The following VCAN variants were observed in gnomAD, a reference collection of about 807,000 sequenced individuals.
The protein encoded by VCAN is versican.
Under a neutral mutation model 245.5 loss-of-function variants are expected in VCAN, and 44 were observed. The ratio of observed to expected loss-of-function variants is 0.18; its 90% CI spans 0.14 to 0.23. The LOEUF is 0.23. Ranked by LOEUF, VCAN falls within the 10% of genes least tolerant of loss-of-function variation. The probability of loss-of-function intolerance (pLI) is 1.00; values close to 1 mark genes in which losing one functional copy is unlikely to be tolerated. For missense variants in VCAN, 3,793 were observed against 4,057.9 expected (o/e 0.93, Z 1.77); for synonymous variants, 1,413 against 1,437.0 (o/e 0.98, Z 0.38).
chr5:83,551,631 A>G (rs1004637995), intron 10 of VCAN, among the ~76,000 whole-genome samples: 30 of 152,244 alleles, frequency 2.0e-4, no homozygotes, highest in African/African-American at 7.0e-4. Flanking sequence ...TCAAGGGGTT[A>G]AGATCCTCCA....
At chr5:83,531,848 G>A (rs549164942) in intron 7 of VCAN, among the ~76,000 whole-genome samples, 17 of 151,268 alleles carry the variant, frequency 1.1e-4, no homozygotes, top group African/African-American at 3.7e-4. Context: ...TGTGTGAAAT[G>A]TCATTAAAAA....
At chr5:83,552,270 T>G (rs1308619979) in intron 10 of VCAN, among the ~76,000 whole-genome samples, 1 of 152,168 alleles carries the variant, frequency 6.6e-6, no homozygotes, top group Non-Finnish European at 1.5e-5. Context: ...TTTATTTAAT[T>G]TAGTAGGGTT....
chr5:83,480,121 T>G (rs1294629774), intron 1 of VCAN, among the ~76,000 whole-genome samples: 1 of 152,338 alleles, frequency 6.6e-6, no homozygotes, highest in South Asian at 2.1e-4. Context: ...ATTTTTAAAT[T>G]GAGTAACTTA....
At chr5:83,493,272 T>C (rs931726436) in intron 3 of VCAN, among the ~76,000 whole-genome samples, 8 of 152,314 alleles carry the variant, frequency 5.3e-5, no homozygotes, top group African/African-American at 1.7e-4. Context: ...AGGACAACTA[T>C]TGGGATTCAG....
chr5:83,579,891 G>A (rs1192224876), intron 13 of VCAN, 89 bp from the exon 14 acceptor site: 1 of 1,404,610 alleles, frequency 7.1e-7, no homozygotes, highest in African/African-American at 1.4e-5. Flanking sequence ...GCTTACTTTG[G>A]TACCATAAAG....
At chr5:83,545,487 A>C (rs907758115) in intron 8 of VCAN, 50 bp from the exon 9 acceptor site, 1 of 1,504,060 alleles carries the variant, frequency 6.6e-7, no homozygotes, top group African/African-American at 1.4e-5. Flanking sequence ...AATACACGCA[A>C]ACATTAGAGA....
intron 6 of VCAN, among the ~76,000 whole-genome samples, chr5:83,518,017 T>C (rs1745924079): frequency 6.6e-6 from 1 of 152,116 alleles, no homozygotes; most frequent in Admixed American, 6.5e-5. Context: ...GCCTGTTTTG[T>C]TTTTTGAGGG....
intron 12 of VCAN, among the ~76,000 whole-genome samples, chr5:83,560,168 A>C (rs1747813821): frequency 6.6e-6 from 1 of 152,132 alleles, no homozygotes; most frequent in African/African-American, 2.4e-5. Context: ...TTGGGAATTA[A>C]AAATGGAAAG....
At chr5:83,576,662 G>T (rs970382243) in intron 13 of VCAN, among the ~76,000 whole-genome samples, 1 of 151,940 alleles carries the variant, frequency 6.6e-6, no homozygotes, top group African/African-American at 2.4e-5. Flanking sequence ...TTCCAAAGTG[G>T]TGGTACCAAT....
At position 83,539,426 on chromosome 5, in the gene VCAN, T is replaced by G; in HGVS notation, c.6423T>G (p.Asp2141Glu). 6.2e-7 allele frequency: 1 copy of G among 1,613,684 alleles called. No individual in the cohort carries two copies. Among genetic ancestry groups the G allele is most frequent in the Non-Finnish European group, 8.5e-7 (1 of 1,179,862 alleles). ...CTGCAACAGAACAAACAATCTTTGA[T>G]TCACAGACATTTACTGAAACTGAAC... ...NSPATEQTIF[D>E]SQTFTETELK... The change falls in exon 8 of 15, where the codon GAT becomes GAG. Residue 2141 changes from aspartate (D) to glutamate (E), a missense_variant. Transcript: ENST00000265077.
intron 10 of VCAN, among the ~76,000 whole-genome samples, chr5:83,550,556 T>C (rs370895352): frequency 2.6e-5 from 4 of 152,312 alleles, no homozygotes; most frequent in East Asian, 1.9e-4. Context: ...GCTTGACAAA[T>C]GATCCTTCAT....
chr5:83,506,160 T>C (rs1745477617), intron 5 of VCAN, among the ~76,000 whole-genome samples: 1 of 152,236 alleles, frequency 6.6e-6, no homozygotes, highest in Admixed American at 6.5e-5. Context: ...GGATTAACGT[T>C]AGGCTCCTTG....
intron 5 of VCAN, among the ~76,000 whole-genome samples, chr5:83,505,540 C>G (rs1035148689): frequency 2.0e-5 from 3 of 152,292 alleles, no homozygotes; most frequent in South Asian, 4.2e-4. Context: ...GCAGCTCAGC[C>G]CCTGTGGCTT....
chr5:83,536,096 T>C (rs970808166), intron 7 of VCAN: 3 of 152,162 alleles, frequency 2.0e-5, no homozygotes, highest in African/African-American at 7.2e-5. Context: ...GTTGGTACCA[T>C]ATGGCAATTT....
intron 8 of VCAN, chr5:83,545,198 C>A: frequency 2.5e-6 from 1 of 398,992 alleles, no homozygotes; most frequent in East Asian, 5.7e-5. Context: ...ATTCACTGTG[C>A]ACATATGTGT....
At chr5:83,580,199 A>AT in intron 14 of VCAN, 37 bp downstream of exon 14, 1 of 1,613,984 alleles carries the variant, frequency 6.2e-7, no homozygotes. Flanking sequence ...CTACCGTGCT[A>AT]TAACAACTAC....
Position 83,537,757 on chromosome 5 carries a change from C to G in VCAN, c.4754C>G (p.Thr1585Ser). ...EKSTSVTYTP[T>S]IVPSSASAYV... ...AGTACTTCTGTCACATACACTCCCA[C>G]TATAGTTCCAAGTTCTGCATCAGCA... Residue 1585 changes from threonine (T) to serine (S), a missense_variant, in exon 8 of 15, where the codon ACT becomes AGT. Thr to Ser is a moderately conservative substitution (Grantham distance 58). Around this residue, in one of 5 missense-constraint regions of VCAN, gnomAD observed 3,182 missense variants for 3,250.3 expected, o/e 0.98. Coordinates refer to ENST00000265077, the MANE Select transcript of VCAN (RefSeq NM_004385.5). The G allele has an allele frequency of 1.2e-6, 2 of 1,614,028 alleles. No individual in the cohort carries two copies. Among genetic ancestry groups the G allele is most frequent in the South Asian group, 1.1e-5 (1 of 91,084 alleles).
intron 6 of VCAN, among the ~76,000 whole-genome samples, chr5:83,513,303 TG>T (rs1745727243): frequency 1.3e-5 from 2 of 152,220 alleles, no homozygotes; most frequent in African/African-American, 4.8e-5. Context: ...GAAACAAATT[TG>T]TAAACAACTT....
intron 13 of VCAN, among the ~76,000 whole-genome samples, chr5:83,575,478 C>A (rs1422653602): frequency 6.6e-6 from 1 of 152,132 alleles, no homozygotes; most frequent in African/African-American, 2.4e-5. Flanking sequence ...CTCCAATGGT[C>A]CCTGGAGTCA....
Sources: gnomAD v4.1 joint callset for allele counts (sites outside exome capture counted in the v4.1 genomes callset) on GRCh38, gnomAD v4.1.1 for gene constraint, gnomAD v4.1.1 regional missense constraint, MANE v1.5 for transcripts, NCBI Gene and HGNC (gene_info 2026-07-23, HGNC 2026-07-21) for gene names.